CNBP: variants seen among roughly 807,000 people sequenced by gnomAD.
CNBP encodes CCHC-type zinc finger nucleic acid binding protein, also known as cellular nucleic acid-binding protein.
In CNBP, 6 loss-of-function variants were observed where a neutral mutation model predicts 21.2. The observed-to-expected ratio is 0.28, with a 90% CI of 0.16 to 0.56. The LOEUF (loss-of-function observed/expected upper bound fraction) is 0.56, where lower values mean the gene tolerates loss of function less well. Among genes scored for constraint, CNBP ranks in the 20% least tolerant of loss-of-function variants. The probability of loss-of-function intolerance (pLI) is 0.93; values close to 1 mark genes in which losing one functional copy is unlikely to be tolerated. For missense variants in CNBP, 112 were observed against 233.1 expected (o/e 0.48, Z 3.38); for synonymous variants, 61 against 74.9 (o/e 0.81, Z 0.96).
intron 1 of CNBP, among the ~76,000 whole-genome samples, chr3:129,178,636 A>G (rs1211079727): frequency 1.3e-5 from 2 of 152,204 alleles, no homozygotes; most frequent in Non-Finnish European, 2.9e-5. Flanking sequence ...TTGTTCACTT[A>G]ACTGCATTTA....
intron 1 of CNBP, among the ~76,000 whole-genome samples, chr3:129,181,655 A>AAAAG (rs1938307124): frequency 1.4e-5 from 2 of 141,738 alleles, no homozygotes; most frequent in African/African-American, 5.9e-5. Context: ...GTCTCAGAAA[A>AAAAG]AAAAAAAGAA....
At chr3:129,183,342 T>TC (rs930320332) in intron 1 of CNBP, among the ~76,000 whole-genome samples, 4 of 151,452 alleles carry the variant, frequency 2.6e-5, no homozygotes, top group Non-Finnish European at 4.4e-5. Context: ...ACCCACCCCA[T>TC]CCCCCCTTCA....
At chr3:129,176,361 G>C (rs541529641) in intron 1 of CNBP, among the ~76,000 whole-genome samples, 27 of 152,092 alleles carry the variant, frequency 1.8e-4, no homozygotes, top group Non-Finnish European at 3.1e-4. Flanking sequence ...TCCCTATTAA[G>C]TCCCAAGACA....
intron 1 of CNBP, among the ~76,000 whole-genome samples, chr3:129,181,657 A>AAAAAAAAG (rs1488685659): frequency 6.7e-6 from 1 of 149,092 alleles, no homozygotes; most frequent in African/African-American, 2.5e-5. Flanking sequence ...CTCAGAAAAA[A>AAAAAAAAG]AAAAAGAAAA....
In CNBP at chr3:129,168,945, A is replaced by AG. The variant is rs1319384130; in HGVS notation, c.*1507_*1508insC. On this transcript the variant is annotated 3_prime_UTR_variant, in exon 5 of 5. Coordinates refer to ENST00000422453, the MANE Select transcript of CNBP (RefSeq NM_003418.5). ...CCCCGTCTTTACTAAAAATACAAAAAAAAAAAATTAGCTGGGCGCGGTGGC... is the reference window on the plus strand; with the variant it reads ...CCCCGTCTTTACTAAAAATACAAAAAGAAAAAAATTAGCTGGGCGCGGTGGC... Among the ~76,000 whole-genome samples, 2 of 150,504 alleles carry AG rather than the reference A, an allele frequency of 1.3e-5. No individual in the cohort carries two copies. The highest frequency in any genetic ancestry group is 4.2e-4 in the South Asian group (2 of 4,738).
chr3:129,174,959 C>G (rs545287368), intron 1 of CNBP, among the ~76,000 whole-genome samples: 1 of 152,062 alleles, frequency 6.6e-6, no homozygotes, highest in East Asian at 1.9e-4. Flanking sequence ...CACTTTGGGA[C>G]GCCAAGGCAG....
chr3:129,183,292 C>T (rs1332082488), intron 1 of CNBP, among the ~76,000 whole-genome samples: 1 of 152,182 alleles, frequency 6.6e-6, no homozygotes, highest in Non-Finnish European at 1.5e-5. Context: ...GCACATGGCC[C>T]GCCAGGCGCA....
chr3:129,174,423 T>C (rs112213029), intron 1 of CNBP, among the ~76,000 whole-genome samples: 1,811 of 148,266 alleles, frequency 0.012, 24 homozygotes, highest in Non-Finnish European at 0.018. Flanking sequence ...CCCAGCACTT[T>C]GGGAGGCCGA....
rs1937514282 is a variant in CNBP at position 129,168,789 on chromosome 3, AGT to A, written c.*1662_*1663del. Among the ~76,000 whole-genome samples, 1 of 151,746 alleles carries A rather than the reference AGT, an allele frequency of 6.6e-6. No individual in the cohort carries two copies. Among genetic ancestry groups the A allele is most frequent in the Admixed American group, 6.6e-5 (1 of 15,224 alleles). ...CAGCCCGACCAACATGATGAAACCC[AGT>A]CTCTACTAAAAATACAAAAAATAGG... On this transcript the variant is annotated 3_prime_UTR_variant, in exon 5 of 5. Coordinates refer to ENST00000422453, the MANE Select transcript of CNBP (RefSeq NM_003418.5).
chr3:129,177,492 G>A (rs1229780148), intron 1 of CNBP, among the ~76,000 whole-genome samples: 2 of 152,194 alleles, frequency 1.3e-5, no homozygotes, highest in Non-Finnish European at 2.9e-5. Flanking sequence ...GTGCTTAATA[G>A]ATATTCAATT....
intron 2 of CNBP, 38 bp from the exon 3 acceptor site, chr3:129,171,576 C>A (rs1937569218): frequency 1.2e-6 from 2 of 1,613,858 alleles, no homozygotes; most frequent in African/African-American, 2.7e-5. Flanking sequence ...GCTAGTCAGA[C>A]CAGTCTTGAT....
At position 129,171,167 on chromosome 3, in the gene CNBP, C is replaced by T. The variant is rs773038628; in HGVS notation, c.328G>A (p.Asp110Asn). The T allele has an allele frequency of 6.2e-7, 1 of 1,614,248 alleles. No individual in the cohort carries two copies. The highest frequency in any genetic ancestry group is 8.5e-7 in the Non-Finnish European group (1 of 1,180,054). ...NCGKPGHLAR[D>N]CDHADEQKCY... is the part of the protein sequence containing the mutation. ...TTCTGCTCATCTGCATGGTCGCAGT[C>T]ACGAGCCAGATGGCCTGGTTTGCCA... Residue 110 changes from aspartate to asparagine, a missense_variant, in exon 4 of 5, where the codon GAC becomes AAC. Physicochemically the swap from Asp to Asn is conservative, Grantham distance 23. Coordinates refer to ENST00000422453, the MANE Select transcript of CNBP (RefSeq NM_003418.5).
rs554102100 is a variant in CNBP at position 129,170,818 on chromosome 3, T to C, written c.417-248A>G. ...GAGCTTTCTATGAAGTCTCTGGAAG[T>C]TTCAAATTATAACACTCTTACTTTT... On this transcript the variant is annotated intron_variant, in intron 4 of 4. Coordinates refer to ENST00000422453, the MANE Select transcript of CNBP (RefSeq NM_003418.5). 2.6e-5 allele frequency among the ~76,000 whole-genome samples: 4 copies of C among 152,302 alleles called. No homozygotes were observed. In the South Asian group the frequency reaches 8.3e-4, roughly 32 times the overall value.
Position 129,168,888 on chromosome 3 carries a change from A to T in CNBP, c.*1565T>A, listed in dbSNP as rs1259678639. On this transcript the variant is annotated 3_prime_UTR_variant, in exon 5 of 5. Coordinates refer to ENST00000422453, the MANE Select transcript of CNBP (RefSeq NM_003418.5). Reference sequence around the variant, plus strand: ...AAGGCGGGCGGATCACGAGGTCAGGAGATTGAGACCATCCTGGCTAACACC... The same window carrying T: ...AAGGCGGGCGGATCACGAGGTCAGGTGATTGAGACCATCCTGGCTAACACC... 1.3e-5 allele frequency among the ~76,000 whole-genome samples: 2 copies of T among 151,198 alleles called. No individual in the cohort carries two copies. Among genetic ancestry groups the T allele is most frequent in the Admixed American group, 1.3e-4 (2 of 15,118 alleles).
intron 1 of CNBP, among the ~76,000 whole-genome samples, chr3:129,181,158 T>A (rs1406111343): frequency 1.4e-5 from 2 of 146,084 alleles, no homozygotes; most frequent in African/African-American, 5.2e-5. Flanking sequence ...GAGAATTGCT[T>A]GAGCCCGGGA....
At chr3:129,177,324 A>G (rs928962923) in intron 1 of CNBP, among the ~76,000 whole-genome samples, 4 of 152,168 alleles carry the variant, frequency 2.6e-5, no homozygotes, top group Non-Finnish European at 5.9e-5. Flanking sequence ...CCTGCCTGAC[A>G]CTGTAAGAGA....
chr3:129,171,427 G>A lies in CNBP; in HGVS notation c.217+19C>T. 6.2e-7 allele frequency: 1 copy of A among 1,609,254 alleles called. No individual in the cohort carries two copies. The highest frequency in any genetic ancestry group is 2.2e-5 in the East Asian group (1 of 44,860). ...TCCAAGCTCTAGAGGGGTATGAAAA[G>A]GAAGTGTTAAATACTTACCATCCTC... On this transcript the variant is annotated intron_variant, in intron 3 of 4. Coordinates refer to ENST00000422453, the MANE Select transcript of CNBP (RefSeq NM_003418.5).
At chr3:129,176,855 T>C (rs561208699) in intron 1 of CNBP, among the ~76,000 whole-genome samples, 3 of 152,308 alleles carry the variant, frequency 2.0e-5, no homozygotes, top group African/African-American at 7.2e-5. Context: ...TATCTTCTAC[T>C]TGTCAATGTT....
In CNBP at chr3:129,171,438, ATACT is replaced by A; in HGVS notation, c.217+4_217+7del. The A allele has an allele frequency of 6.2e-7, 1 of 1,612,850 alleles. No individual in the cohort carries two copies. The highest frequency in any genetic ancestry group is 8.5e-7 in the Non-Finnish European group (1 of 1,178,740). ...GAGGGGTATGAAAAGGAAGTGTTAA[ATACT>A]TACCATCCTCCTGAAGATCACAATC... On this transcript the variant is annotated splice_donor_5th_base_variant and intron_variant, in intron 3 of 4. Coordinates refer to ENST00000422453, the MANE Select transcript of CNBP (RefSeq NM_003418.5).
Sources: gnomAD v4.1 joint callset for allele counts (sites outside exome capture counted in the v4.1 genomes callset) on GRCh38, gnomAD v4.1.1 for gene constraint, MANE v1.5 for transcripts, NCBI Gene and HGNC (gene_info 2026-07-23, HGNC 2026-07-21) for gene names.